The following CNTN5 variants were observed in gnomAD, a reference collection of about 807,000 sequenced individuals.
The protein encoded by CNTN5 is contactin-5.
CNTN5 carries 77 observed loss-of-function variants against 129.1 expected under a neutral mutation model. That is an observed-to-expected ratio of 0.60 (90% confidence interval 0.50 to 0.72). The LOEUF (loss-of-function observed/expected upper bound fraction) is 0.72, where lower values mean the gene tolerates loss of function less well. CNTN5 is among the 30% of genes least tolerant of loss of function. The pLI, the probability that CNTN5 is intolerant of heterozygous loss-of-function variation, is 0.00. For synonymous variants in CNTN5, 509 were observed against 465.6 expected (o/e 1.09, Z -1.20); for missense variants, 1,478 against 1,328.8 (o/e 1.11, Z -1.75).
chr11:99,942,218 G>T (rs1323578420), intron 7 of CNTN5, among the ~76,000 whole-genome samples: 1 of 151,996 alleles, frequency 6.6e-6, no homozygotes, highest in East Asian at 1.9e-4. Context: ...GTATGACAGA[G>T]TTCCTGCTCT....
In CNTN5 at chr11:99,819,547, A is replaced by T. The variant is rs780813895; in HGVS notation, c.59A>T (p.Tyr20Phe). 16 of 1,606,180 alleles carry T rather than the reference A, an allele frequency of 1.0e-5. No individual in the cohort carries two copies. The highest frequency in any genetic ancestry group is 1.2e-5 in the Non-Finnish European group (14 of 1,174,384). The stretch of plus-strand genomic sequence containing the variant: ...TATTATATTTTTTCTCTTACAGAGT[A>T]TTCAAAATCTCTTCCTGGTCTCTCC... ...FLSVTMCLSE[Y>F]SKSLPGLSTS... Residue 20 changes from tyrosine to phenylalanine, a missense_variant, in exon 4 of 25, where the codon TAT becomes TTT. Coordinates refer to ENST00000524871, the MANE Select transcript of CNTN5 (RefSeq NM_014361.4).
intron 13 of CNTN5, among the ~76,000 whole-genome samples, chr11:100,149,621 G>A (rs745892557): frequency 2.6e-5 from 4 of 151,994 alleles, no homozygotes; most frequent in Middle Eastern, 3.4e-3. Context: ...GGCCAGGTGC[G>A]GTAGCTCACA....
intron 3 of CNTN5, among the ~76,000 whole-genome samples, chr11:99,655,739 A>G (rs1429391089): frequency 6.6e-5 from 10 of 152,090 alleles, no homozygotes; most frequent in Admixed American, 6.6e-4. Context: ...ACACCTATAC[A>G]CACACATAGA....
intron 1 of CNTN5, among the ~76,000 whole-genome samples, chr11:99,193,149 T>C (rs1031060243): frequency 8.5e-5 from 13 of 152,168 alleles, no homozygotes; most frequent in African/African-American, 2.9e-4. Context: ...TAAATGGAGA[T>C]TTTTATCAAA....
intron 17 of CNTN5, 127 bp from the exon 18 acceptor site, chr11:100,270,965 T>C (rs1053019707): frequency 1.4e-6 from 1 of 704,892 alleles, no homozygotes; most frequent in South Asian, 2.2e-5. Flanking sequence ...GGTGACACCA[T>C]GACCACGTGT....
At chr11:99,347,551 G>C (rs55903300) in intron 2 of CNTN5, among the ~76,000 whole-genome samples, 5,213 of 152,076 alleles carry the variant, frequency 0.034, 120 homozygotes, top group Middle Eastern at 0.072. Flanking sequence ...CTTTTCTTAG[G>C]CTGTTAGGCA....
chr11:99,498,893 A>G (rs1946326948), intron 2 of CNTN5, among the ~76,000 whole-genome samples: 1 of 152,148 alleles, frequency 6.6e-6, no homozygotes, highest in African/African-American at 2.4e-5. Flanking sequence ...TAATTTTAGG[A>G]TGAAACTGAC....
At chr11:99,373,027 G>T (rs1939923802) in intron 2 of CNTN5, among the ~76,000 whole-genome samples, 1 of 151,990 alleles carries the variant, frequency 6.6e-6, no homozygotes, top group African/African-American at 2.4e-5. Flanking sequence ...TGGCCAACTT[G>T]GTAAAACCCT....
chr11:99,327,768 G>C (rs1218126778), intron 2 of CNTN5, among the ~76,000 whole-genome samples: 1 of 152,162 alleles, frequency 6.6e-6, no homozygotes, highest in Non-Finnish European at 1.5e-5. Flanking sequence ...AAAACTGACA[G>C]TTTCATCTTG....
intron 4 of CNTN5, among the ~76,000 whole-genome samples, chr11:99,839,411 TTA>T (rs200060470): frequency 3.9e-4 from 60 of 152,010 alleles, no homozygotes; most frequent in Middle Eastern, 3.4e-3. Flanking sequence ...GACAAGCGTT[TTA>T]TATATATATA....
intron 1 of CNTN5, among the ~76,000 whole-genome samples, chr11:99,064,273 C>A (rs952596047): frequency 2.0e-5 from 3 of 152,128 alleles, no homozygotes; most frequent in African/African-American, 7.2e-5. Context: ...GGGCACTTAA[C>A]TTCACTTGTT....
intron 13 of CNTN5, among the ~76,000 whole-genome samples, chr11:100,092,090 T>C (rs1295844339): frequency 3.4e-5 from 5 of 148,930 alleles, no homozygotes; most frequent in Non-Finnish European, 7.4e-5. Flanking sequence ...TAAAGAGTAA[T>C]TACTTTTTTA....
At chr11:99,461,154 T>A (rs1001518722) in intron 2 of CNTN5, among the ~76,000 whole-genome samples, 2 of 152,104 alleles carry the variant, frequency 1.3e-5, no homozygotes, top group African/African-American at 4.8e-5. Flanking sequence ...AAAATTATTT[T>A]AAAATGTAGA....
At chr11:99,786,426 C>A (rs1461469546) in intron 3 of CNTN5, among the ~76,000 whole-genome samples, 1 of 151,584 alleles carries the variant, frequency 6.6e-6, no homozygotes, top group African/African-American at 2.4e-5. Context: ...TGGCCACACC[C>A]CCCAAAGTAA....
chr11:99,240,727 T>C (rs1271856351), intron 1 of CNTN5, among the ~76,000 whole-genome samples: 1 of 152,212 alleles, frequency 6.6e-6, no homozygotes, highest in African/African-American at 2.4e-5. Flanking sequence ...AAAATTATGA[T>C]ATTGATCCTC....
At chr11:100,267,900 G>A (rs1435149416) in intron 17 of CNTN5, among the ~76,000 whole-genome samples, 2 of 152,128 alleles carry the variant, frequency 1.3e-5, no homozygotes, top group Non-Finnish European at 2.9e-5. Flanking sequence ...AGATGATGGT[G>A]CTTCAATGTG....
intron 3 of CNTN5, among the ~76,000 whole-genome samples, chr11:99,644,729 G>C (rs187678624): frequency 1.4e-3 from 213 of 152,188 alleles, no homozygotes; most frequent in Non-Finnish European, 1.5e-3. Flanking sequence ...AGCACTACAA[G>C]TTATTGATAT....
chr11:99,133,627 A>AAAAAAAT (rs1348970207), intron 1 of CNTN5, among the ~76,000 whole-genome samples: 1 of 68,732 alleles, frequency 1.5e-5, no homozygotes, highest in African/African-American at 5.4e-5. Context: ...AGAAAAAAAA[A>AAAAAAAT]AGACCATACA....
In CNTN5 at chr11:99,743,124, G is replaced by A. The variant is rs188541117; in HGVS notation, c.56-76420G>A. On this transcript the variant is annotated intron_variant, in intron 3 of 24. Transcript: ENST00000524871. ...CTCATTTAACAGTATGATAAGGAAG[G>A]AGGAGGAGAGAGATATATCATGTTG... Among the ~76,000 whole-genome samples, 303 of 152,264 alleles carry A rather than the reference G, an allele frequency of 2.0e-3. 3 individuals carry two copies. Among genetic ancestry groups the A allele is most frequent in the African/African-American group, 7.1e-3 (295 of 41,548 alleles).
Sources: gnomAD v4.1 joint callset for allele counts (sites outside exome capture counted in the v4.1 genomes callset) on GRCh38, gnomAD v4.1.1 for gene constraint, MANE v1.5 for transcripts, NCBI Gene and HGNC (gene_info 2026-07-23, HGNC 2026-07-21) for gene names.